Variants in PITPNM1 observed in about 807,000 individuals in gnomAD.
PITPNM1 encodes phosphatidylinositol transfer protein membrane associated 1.
PITPNM1 carries 74 observed loss-of-function variants against 133.3 expected under a neutral mutation model. The observed-to-expected ratio is 0.56, with a 90% CI of 0.46 to 0.67. The LOEUF (loss-of-function observed/expected upper bound fraction) is 0.67, where lower values mean the gene tolerates loss of function less well. PITPNM1 is among the 30% of genes least tolerant of loss of function. The pLI, the probability that PITPNM1 is intolerant of heterozygous loss-of-function variation, is 0.00. For missense variants in PITPNM1, 1,398 were observed against 1,739.5 expected, an observed-to-expected ratio of 0.80 and a Z score of 3.49; for synonymous variants, 738 against 741.4, an observed-to-expected ratio of 1.00 and a Z score of 0.08.
rs1201700691 is a variant in PITPNM1, at chr11:67,492,091, G to A, written c.3677C>T (p.Thr1226Ile). Residue 1226 changes from threonine to isoleucine, a missense_variant, in exon 24 of 24, where the codon ACC becomes ATC. Thr to Ile is a moderately conservative substitution (Grantham distance 89). This residue lies in a region of PITPNM1 where 122 missense variants were observed against 123.3 expected (regional missense o/e 0.99). Coordinates refer to ENST00000356404, the MANE Select transcript of PITPNM1 (RefSeq NM_004910.3). ...AEREGPGTPPTTLARGKARSI... is the reference protein window; with the variant it reads ...AEREGPGTPPITLARGKARSI... ...CCGTGCTTTGCCCCGTGCCAGGGTG[G>A]TGGGTGGTGTTCCCGGGCCCTCACG... The A allele has an allele frequency of 1.2e-6, 2 of 1,612,386 alleles. No homozygotes were observed. The highest frequency in any genetic ancestry group is 1.7e-6 in the Non-Finnish European group (2 of 1,179,904).
Position 67,494,129 on chromosome 11 carries a change from G to T in PITPNM1, c.2860-59C>A. 3 of 1,588,326 alleles carry T rather than the reference G, an allele frequency of 1.9e-6. No homozygotes were observed. In the South Asian group the frequency reaches 3.4e-5, roughly 18 times the overall value. On this transcript the variant is annotated intron_variant, in intron 19 of 23. Coordinates refer to ENST00000356404, the MANE Select transcript of PITPNM1 (RefSeq NM_004910.3). ...GCCCTGCGTGGAGGTGGGCAGAGGC[G>T]GGGCTGTCGTCGGGGATGGGTGGGT...
rs1866204117 is a variant in PITPNM1, at chr11:67,498,432, G to A, written c.1485-110C>T. 1.4e-6 allele frequency: 2 copies of A among 1,386,182 alleles called. No individual in the cohort carries two copies. The highest frequency in any genetic ancestry group is 1.9e-6 in the Non-Finnish European group (2 of 1,035,126). The allele number at this position is 1,386,182 out of a possible 1,614,324, so 85.9% of individuals were successfully genotyped here. On this transcript the variant is annotated intron_variant, in intron 10 of 23. Coordinates refer to ENST00000356404, the MANE Select transcript of PITPNM1 (RefSeq NM_004910.3). The surrounding 1 kb of genome is among the most constrained non-coding windows in gnomAD (Gnocchi z 5.7). ...TGGCTCTGTGGGTCCTCTGTGGGGAGCGTTAGCCCCAAGAGGCAACTGAAA... is the reference window on the plus strand; with the variant it reads ...TGGCTCTGTGGGTCCTCTGTGGGGAACGTTAGCCCCAAGAGGCAACTGAAA...
intron 22 of PITPNM1, among the ~76,000 whole-genome samples, 172 bp from the exon 23 acceptor site, chr11:67,493,234 C>T (rs1343627454): frequency 6.6e-6 from 1 of 152,168 alleles, no homozygotes; most frequent in Non-Finnish European, 1.5e-5. Flanking sequence ...CCCTAGTTGC[C>T]CCTAAGTACA....
chr11:67,495,738 C>T (rs1474277271), intron 15 of PITPNM1, 136 bp from the exon 16 acceptor site: 5 of 839,772 alleles, frequency 6.0e-6, no homozygotes, highest in Non-Finnish European at 8.7e-6. Context: ...CTGTGGCATT[C>T]TCTCCTCTCA....
In PITPNM1 at chr11:67,499,667, C is replaced by A. The variant is rs548857721; in HGVS notation, c.1171+56G>T. On this transcript the variant is annotated intron_variant, in intron 8 of 23. Coordinates refer to ENST00000356404, the MANE Select transcript of PITPNM1 (RefSeq NM_004910.3). ...CCTCTCATCTTAAGATGCCATTAAACTCATGACCTGCTGTACACGGGTGCT... is the reference window on the plus strand; with the variant it reads ...CCTCTCATCTTAAGATGCCATTAAAATCATGACCTGCTGTACACGGGTGCT... 8 of 886,064 alleles carry A rather than the reference C, an allele frequency of 9.0e-6. No individual in the cohort carries two copies. The East Asian group carries it at 2.0e-4, about 23-fold the overall frequency. 54.9% of individuals were successfully genotyped at this position (886,064 alleles called of 1,614,324 possible). A position where few individuals can be genotyped will look rare whatever the true frequency, so the allele number is the denominator to read the frequency against.
In PITPNM1 at chr11:67,492,873, C is replaced by T. The variant is rs1865976894; in HGVS notation, c.3471+61G>A. 4 of 1,576,122 alleles carry T rather than the reference C, an allele frequency of 2.5e-6. No homozygotes were observed. The Admixed American group carries it at 5.3e-5, about 21-fold the overall frequency. On this transcript the variant is annotated intron_variant, in intron 23 of 23. Coordinates refer to ENST00000356404, the MANE Select transcript of PITPNM1 (RefSeq NM_004910.3). ...CCCCAGAGTCCGTGGTTCCCAAGGCCTGGGACTGAGGGCCCTGCCCCCTGG... is the reference window on the plus strand; with the variant it reads ...CCCCAGAGTCCGTGGTTCCCAAGGCTTGGGACTGAGGGCCCTGCCCCCTGG...
rs555188933 is a variant in PITPNM1, at chr11:67,491,909, T to A, written c.*124A>T. ...TAACACCGAGGAGCACACGGAGATA[T>A]AGGGTGTGGGGCTGGGGGGGCCAGC... is the stretch of plus-strand genomic sequence containing the variant. On this transcript the variant is annotated 3_prime_UTR_variant, in exon 24 of 24. Transcript: ENST00000356404. 9.6e-7 allele frequency: 1 copy of A among 1,044,740 alleles called. No individual in the cohort carries two copies. Among genetic ancestry groups the A allele is most frequent in the East Asian group, 2.5e-5 (1 of 40,562 alleles). 64.7% of individuals were successfully genotyped at this position (1,044,740 alleles called of 1,614,324 possible). A position where few individuals can be genotyped will look rare whatever the true frequency, so the allele number is the denominator to read the frequency against.
Position 67,498,058 on chromosome 11 carries a change from C to T in PITPNM1, c.1675-34G>A. 6.2e-7 allele frequency: 1 copy of T among 1,608,494 alleles called. No individual in the cohort carries two copies. Among genetic ancestry groups the T allele is most frequent in the Non-Finnish European group, 8.5e-7 (1 of 1,179,082 alleles). Reference sequence around the variant, plus strand: ...GAGCAGGGGCACCATCAGGAGAGGCCTTGTCCTCACCCAGGCCAGACTACA... The same window carrying T: ...GAGCAGGGGCACCATCAGGAGAGGCTTTGTCCTCACCCAGGCCAGACTACA... On this transcript the variant is annotated intron_variant, in intron 11 of 23. Transcript: ENST00000356404. The surrounding 1 kb of genome is among the most constrained non-coding windows in gnomAD (Gnocchi z 5.7).
intron 16 of PITPNM1, 37 bp downstream of exon 16, chr11:67,495,401 C>T (rs1229156600): frequency 6.8e-6 from 10 of 1,465,492 alleles, no homozygotes; most frequent in South Asian, 5.6e-5. Context: ...GGGCCTCCCC[C>T]ACCCCCAGGC....
chr11:67,505,785 G>C (rs934611131), upstream of PITPNM1, among the ~76,000 whole-genome samples: 2 of 152,162 alleles, frequency 1.3e-5, no homozygotes, highest in Non-Finnish European at 2.9e-5. This position sits in a 1 kb window ranked among gnomAD's most constrained non-coding sequence, Gnocchi z 5.8. Context: ...GGCTGGGCTC[G>C]GCTCCAGGGC....
At position 67,503,801 on chromosome 11, in the gene PITPNM1, C is replaced by G. The variant is rs1866406767; in HGVS notation, c.78+302G>C. 4 of 311,502 alleles carry G rather than the reference C, an allele frequency of 1.3e-5. No individual in the cohort carries two copies. In the South Asian group the frequency reaches 2.2e-4, roughly 17 times the overall value. The allele number at this position is 311,502 out of a possible 1,614,324, so 19.3% of individuals were successfully genotyped here. On this transcript the variant is annotated intron_variant, in intron 2 of 23. Coordinates refer to ENST00000356404, the MANE Select transcript of PITPNM1 (RefSeq NM_004910.3). Reference sequence around the variant, plus strand: ...CTTCTCCAGACCCCCTCCCGCCTTCCTCTGCCGCGGAGGCCCCCCTCCTCA... The same window carrying G: ...CTTCTCCAGACCCCCTCCCGCCTTCGTCTGCCGCGGAGGCCCCCCTCCTCA...
At chr11:67,500,604 C>T (rs1188290876) in intron 5 of PITPNM1, among the ~76,000 whole-genome samples, 183 bp from the exon 6 acceptor site, 2 of 152,204 alleles carry the variant, frequency 1.3e-5, no homozygotes, top group African/African-American at 2.4e-5. Flanking sequence ...TGTCTTCCTG[C>T]CTGACTCCCC....
chr11:67,492,152 GGCTCTGT>G lies in PITPNM1; in HGVS notation c.3609_3615del (p.Lys1203AsnfsTer34). ...CTGGGGCCCCTCGAGCGAAGCAGCT[GGCTCTGT>G]TTGCGCAGGAAGTCCACGGGGGCAG... On this transcript the variant is annotated frameshift_variant, in exon 24 of 24. Transcript: ENST00000356404. LOFTEE classifies it high-confidence loss of function. 1 of 1,611,724 alleles carries G rather than the reference GGCTCTGT, an allele frequency of 6.2e-7. No individual in the cohort carries two copies. Among genetic ancestry groups the G allele is most frequent in the Non-Finnish European group, 8.5e-7 (1 of 1,179,826 alleles).
At chr11:67,495,720 A>C in intron 15 of PITPNM1, 118 bp from the exon 16 acceptor site, 3 of 995,540 alleles carry the variant, frequency 3.0e-6, no homozygotes, top group African/African-American at 3.3e-5. Context: ...GTCCTGGCTG[A>C]GGCTGCACTG....
chr11:67,495,390 C>T (rs779446015), intron 16 of PITPNM1, 48 bp downstream of exon 16: 14 of 1,458,648 alleles, frequency 9.6e-6, no homozygotes, highest in African/African-American at 1.4e-5. Flanking sequence ...AGGTGGAATA[C>T]GGGCCTCCCC....
chr11:67,495,160 C>T lies in PITPNM1; in HGVS notation c.2548G>A (p.Ala850Thr). The change falls in exon 17 of 24, where the codon GCC (alanine) becomes ACC (threonine). Residue 850 changes from alanine to threonine, a missense_variant. Transcript: ENST00000356404. ...TGGGGCAGCGTGACGGTGGGAAAGGCGGTGAGCGCCTCGGGGCAGTACAGC... is the reference window on the plus strand; with the variant it reads ...TGGGGCAGCGTGACGGTGGGAAAGGTGGTGAGCGCCTCGGGGCAGTACAGC... ...YSLYCPEALT[A>T]FPTVTLPHLF... The T allele has an allele frequency of 1.9e-6, 3 of 1,611,982 alleles. No individual in the cohort carries two copies. The highest frequency in any genetic ancestry group is 1.3e-5 in the African/African-American group (1 of 75,036).
intron 20 of PITPNM1, 38 bp downstream of exon 20, chr11:67,493,884 C>A (rs1162862914): frequency 2.0e-6 from 3 of 1,524,228 alleles, no homozygotes; most frequent in Admixed American, 2.1e-5. Flanking sequence ...CGAGGCCTGG[C>A]GGAGCCCTCC....
Position 67,497,910 on chromosome 11 carries a change from T to C in PITPNM1, c.1782+7A>G. The C allele has an allele frequency of 1.9e-6, 3 of 1,609,972 alleles. No individual in the cohort carries two copies. Among genetic ancestry groups the C allele is most frequent in the Admixed American group, 1.7e-5 (1 of 59,990 alleles). On this transcript the variant is annotated splice_region_variant and intron_variant, in intron 12 of 23. Coordinates refer to ENST00000356404, the MANE Select transcript of PITPNM1 (RefSeq NM_004910.3). ...CTCCTGAGGAGGCCGGGTTTGGCTATACTGACCATGCTCCCACGGCGGCTG... is the reference window on the plus strand; with the variant it reads ...CTCCTGAGGAGGCCGGGTTTGGCTACACTGACCATGCTCCCACGGCGGCTG...
In PITPNM1 at chr11:67,492,222, G is replaced by C; in HGVS notation, c.3546C>G (p.Pro1182=). Residue 1182 remains proline, a synonymous_variant, in exon 24 of 24, where the codon CCC becomes CCG. Coordinates refer to ENST00000356404, the MANE Select transcript of PITPNM1 (RefSeq NM_004910.3). ...TGCTCTTGCCCAAGGCAGCTCTCGG[G>C]GGTCCCGAGGAGGCATGCGAGTGCG... is the stretch of plus-strand genomic sequence containing the variant. ...AGSHSHASSG[P]PRAALGKSSY... 1.2e-6 allele frequency: 2 copies of C among 1,603,070 alleles called. No individual in the cohort carries two copies. Among genetic ancestry groups the C allele is most frequent in the Non-Finnish European group, 8.5e-7 (1 of 1,175,674 alleles).
Sources: allele counts gnomAD v4.1 joint callset (sites outside exome capture counted in the v4.1 genomes callset), GRCh38; gene constraint gnomAD v4.1.1; regional missense constraint gnomAD v4.1.1; non-coding constraint Gnocchi (gnomAD v3.1); transcripts MANE v1.5; gene names NCBI Gene and HGNC (gene_info 2026-07-23, HGNC 2026-07-21).